The following GRIA1 variants were observed in gnomAD, a reference collection of about 807,000 sequenced individuals.
GRIA1 encodes glutamate receptor 1.
A neutral mutation model predicts 99.2 loss-of-function variants in GRIA1; 31 were observed. That is an observed-to-expected ratio of 0.31 (90% CI 0.23 to 0.42). The LOEUF (loss-of-function observed/expected upper bound fraction) is 0.42. Ranked by LOEUF, GRIA1 falls within the 10% of genes least tolerant of loss-of-function variation. GRIA1 has a pLI of 1.00. For missense variants in GRIA1, 782 were observed against 1,157.5 expected (o/e 0.68, Z 4.71); for synonymous variants, 438 against 432.4 (o/e 1.01, Z -0.16).
rs1002081323 is a variant in GRIA1 at position 153,802,028 on chromosome 5, G to A, written c.2386-328G>A. On this transcript the variant is annotated intron_variant, in intron 14 of 15. Transcript: ENST00000285900. ...TTTGAAAGAATGGGCTAAGCTCAAA[G>A]GTGCAAATTTTGGTAGAAGCTGCCC... 3.3e-5 allele frequency among the ~76,000 whole-genome samples: 5 copies of A among 151,840 alleles called. No homozygotes were observed. In the East Asian group the frequency reaches 9.7e-4, roughly 29 times the overall value.
chr5:153,628,961 A>G (rs974270150), intron 2 of GRIA1, among the ~76,000 whole-genome samples: 22 of 152,172 alleles, frequency 1.4e-4, no homozygotes, highest in Admixed American at 1.2e-3. Context: ...GCTGAGAATC[A>G]TCATAGAATA....
At chr5:153,675,049 G>A (rs1230699515) in intron 6 of GRIA1, among the ~76,000 whole-genome samples, 1 of 151,928 alleles carries the variant, frequency 6.6e-6, no homozygotes, top group African/African-American at 2.4e-5. Context: ...CTACCCAGTA[G>A]GAAGAAAAAA....
At chr5:153,785,062 T>A (rs567060130) in intron 13 of GRIA1, among the ~76,000 whole-genome samples, 1 of 152,186 alleles carries the variant, frequency 6.6e-6, no homozygotes, top group African/African-American at 2.4e-5. Context: ...AATGGTTTTT[T>A]ATCCTCCACA....
intron 11 of GRIA1, among the ~76,000 whole-genome samples, chr5:153,742,307 C>CAA (rs1561820143): frequency 1.3e-5 from 2 of 152,110 alleles, no homozygotes; most frequent in African/African-American, 4.8e-5. Flanking sequence ...GGATGACTAA[C>CAA]AATAGTCACG....
intron 14 of GRIA1, among the ~76,000 whole-genome samples, 181 bp downstream of exon 14, chr5:153,794,916 C>T (rs1765549569): frequency 6.6e-6 from 1 of 152,134 alleles, no homozygotes; most frequent in South Asian, 2.1e-4. Flanking sequence ...ACTTCTCTTC[C>T]AAGGGGCCTT....
At chr5:153,717,681 C>T (rs1368177726) in intron 11 of GRIA1, among the ~76,000 whole-genome samples, 3 of 152,162 alleles carry the variant, frequency 2.0e-5, no homozygotes, top group Admixed American at 2.0e-4. Flanking sequence ...CTTCAGCTGC[C>T]ATCAGGAAGA....
chr5:153,580,542 C>T (rs559506085), intron 2 of GRIA1, among the ~76,000 whole-genome samples: 1 of 152,274 alleles, frequency 6.6e-6, no homozygotes, highest in South Asian at 2.1e-4. Context: ...TAGAGCTAAG[C>T]TTCTCTCTTG....
chr5:153,635,967 G>A (rs1434850694), intron 2 of GRIA1, among the ~76,000 whole-genome samples: 5 of 152,180 alleles, frequency 3.3e-5, no homozygotes, highest in Non-Finnish European at 7.3e-5. Context: ...GTGCCAACAT[G>A]TTAGTTGCAG....
chr5:153,690,425 T>C (rs769959066), intron 8 of GRIA1, among the ~76,000 whole-genome samples: 1 of 152,268 alleles, frequency 6.6e-6, no homozygotes, highest in South Asian at 2.1e-4. Context: ...TCCCTGCAAG[T>C]CATTACATCA....
At chr5:153,788,222 C>T (rs981466176) in intron 13 of GRIA1, among the ~76,000 whole-genome samples, 1 of 152,154 alleles carries the variant, frequency 6.6e-6, no homozygotes, top group African/African-American at 2.4e-5. Flanking sequence ...CGAATCTTTC[C>T]TTCAATCCCC....
intron 5 of GRIA1, among the ~76,000 whole-genome samples, chr5:153,662,587 C>T (rs78678061): frequency 6.4e-4 from 98 of 152,234 alleles, no homozygotes; most frequent in African/African-American, 2.1e-3. Flanking sequence ...AAGAATCCAG[C>T]GGAGTGAGAG....
chr5:153,739,294 T>G (rs1165661015), intron 11 of GRIA1, among the ~76,000 whole-genome samples: 1 of 152,074 alleles, frequency 6.6e-6, no homozygotes, highest in African/African-American at 2.4e-5. Flanking sequence ...AGGTCTTTGG[T>G]TTTTGTTATT....
intron 5 of GRIA1, among the ~76,000 whole-genome samples, chr5:153,673,112 G>A (rs1361272879): frequency 1.3e-5 from 2 of 152,134 alleles, no homozygotes; most frequent in Non-Finnish European, 1.5e-5. Context: ...CAAACTCACT[G>A]TGCCACAATC....
chr5:153,524,479 G>A (rs1757431341), intron 2 of GRIA1, among the ~76,000 whole-genome samples: 1 of 152,174 alleles, frequency 6.6e-6, no homozygotes, highest in South Asian at 2.1e-4. Context: ...GGCTTTGTAA[G>A]ACAACTCATC....
At chr5:153,780,278 G>A (rs1403413107) in intron 13 of GRIA1, among the ~76,000 whole-genome samples, 1 of 152,148 alleles carries the variant, frequency 6.6e-6, no homozygotes, top group East Asian at 1.9e-4. Context: ...GGGGCTTATG[G>A]GTTTGGAAAG....
At chr5:153,551,747 A>G (rs1184423977) in intron 2 of GRIA1, among the ~76,000 whole-genome samples, 1 of 152,176 alleles carries the variant, frequency 6.6e-6, no homozygotes, top group Non-Finnish European at 1.5e-5. Context: ...CTCCTCCCTG[A>G]ACCCCTGCTT....
chr5:153,798,265 C>A (rs546694828), intron 14 of GRIA1, among the ~76,000 whole-genome samples: 56 of 152,302 alleles, frequency 3.7e-4, no homozygotes, highest in South Asian at 8.3e-4. Flanking sequence ...AACCACTCAG[C>A]CTTCACTCCC....
At chr5:153,593,226 C>T (rs1441209431) in intron 2 of GRIA1, among the ~76,000 whole-genome samples, 1 of 152,176 alleles carries the variant, frequency 6.6e-6, no homozygotes, top group South Asian at 2.1e-4. Flanking sequence ...GACATCACGC[C>T]ACTGCCCTCC....
intron 11 of GRIA1, among the ~76,000 whole-genome samples, chr5:153,760,174 T>C (rs555134667): frequency 1.9e-3 from 289 of 152,118 alleles, no homozygotes; most frequent in Middle Eastern, 3.4e-3. Context: ...TATTCAACGT[T>C]GTACTGGAAG....
Sources: allele counts gnomAD v4.1 joint callset (sites outside exome capture counted in the v4.1 genomes callset), GRCh38; gene constraint gnomAD v4.1.1; transcripts MANE v1.5; gene names NCBI Gene and HGNC (gene_info 2026-07-23, HGNC 2026-07-21).